Variants in SV2B observed in about 807,000 individuals in gnomAD.
SV2B encodes the protein solute carrier family 22 member B2.
SV2B carries 41 observed loss-of-function variants against 73.9 expected under a neutral mutation model. The observed-to-expected ratio is 0.56, with a 90% CI of 0.43 to 0.72. The LOEUF (loss-of-function observed/expected upper bound fraction) is 0.72, where lower values mean the gene tolerates loss of function less well. SV2B is among the 30% of genes least tolerant of loss of function. The pLI is 0.00. For missense variants in SV2B, 764 were observed against 857.8 expected (o/e 0.89, Z 1.37); for synonymous variants, 314 against 314.2 (o/e 1.00, Z 0.01).
chr15:91,241,356 G>A lies in SV2B; in HGVS notation c.452-10463G>A, dbSNP rs1267365405. 2.0e-5 allele frequency among the ~76,000 whole-genome samples: 3 copies of A among 152,000 alleles called. No homozygotes were observed. Among genetic ancestry groups the A allele is most frequent in the African/African-American group, 7.3e-5 (3 of 41,360 alleles). The stretch of plus-strand genomic sequence containing the variant: ...TTTCCTCCATCTGTCCCTAAACCCC[G>A]TTGCTGCACCTGGGTGGTCAGGAAC... On this transcript the variant is annotated intron_variant, in intron 2 of 12. Coordinates refer to ENST00000394232, the MANE Select transcript of SV2B (RefSeq NM_001323032.3). This position sits in a 1 kb window ranked among gnomAD's most constrained non-coding sequence, Gnocchi z 4.8.
At chr15:91,228,190 T>A (rs2046446917) in intron 2 of SV2B, among the ~76,000 whole-genome samples, 1 of 152,104 alleles carries the variant, frequency 6.6e-6, no homozygotes, top group African/African-American at 2.4e-5. Flanking sequence ...CCATTTGAAA[T>A]GATTAGAACT....
Position 91,281,646 on chromosome 15 carries a change from C to G in SV2B, c.1374-82C>G. 6.8e-7 allele frequency: 1 copy of G among 1,474,504 alleles called. No homozygotes were observed. The highest frequency in any genetic ancestry group is 1.4e-5 in the South Asian group (1 of 70,398). The allele number at this position is 1,474,504 out of a possible 1,614,324, so 91.3% of individuals were successfully genotyped here. On this transcript the variant is annotated intron_variant, in intron 9 of 12. Coordinates refer to ENST00000394232, the MANE Select transcript of SV2B (RefSeq NM_001323032.3). The surrounding 1 kb of genome is among the most constrained non-coding windows in gnomAD (Gnocchi z 4.7). ...CCTTTTGCTTGCACATCTCCTTTTT[C>G]TGCCTTGCTGTGTTTTCCATTTTGG...
intron 1 of SV2B, among the ~76,000 whole-genome samples, chr15:91,201,952 T>C (rs2045473962): frequency 6.6e-6 from 1 of 152,234 alleles, no homozygotes; most frequent in African/African-American, 2.4e-5. Context: ...GTGATCCTTT[T>C]AAGATTTGCC....
At chr15:91,145,404 G>A (rs1031078519) in intron 1 of SV2B, among the ~76,000 whole-genome samples, 2 of 152,138 alleles carry the variant, frequency 1.3e-5, no homozygotes, top group Admixed American at 1.3e-4. Flanking sequence ...AGACATTTAG[G>A]TTGATTCCAT....
At chr15:91,174,274 ACT>A (rs934935733) in intron 1 of SV2B, among the ~76,000 whole-genome samples, 4 of 152,010 alleles carry the variant, frequency 2.6e-5, no homozygotes, top group African/African-American at 9.7e-5. Context: ...TCTCAGCTTC[ACT>A]CTCTTTGTGG....
chr15:91,112,432 C>T (rs1466826431), intron 1 of SV2B, among the ~76,000 whole-genome samples: 2 of 152,162 alleles, frequency 1.3e-5, no homozygotes, highest in African/African-American at 2.4e-5. Flanking sequence ...AATAGAGAAG[C>T]AGCCTTGGAA....
At chr15:91,291,034 G>A (rs2049023030) in intron 12 of SV2B, among the ~76,000 whole-genome samples, 1 of 148,536 alleles carries the variant, frequency 6.7e-6, no homozygotes, top group African/African-American at 2.5e-5. Flanking sequence ...TATATTTATG[G>A]ATTATATATT....
Position 91,267,506 on chromosome 15 carries a change from A to C in SV2B, c.1120-49A>C. On this transcript the variant is annotated intron_variant, in intron 7 of 12. Transcript: ENST00000394232. This position sits in a 1 kb window ranked among gnomAD's most constrained non-coding sequence, Gnocchi z 4.3. Reference sequence around the variant, plus strand: ...TAATGAGCTCTTCGTGGGAGAAACAAAGTCACACATTGCTTTCTTTAACAA... The same window carrying C: ...TAATGAGCTCTTCGTGGGAGAAACACAGTCACACATTGCTTTCTTTAACAA... 6.6e-7 allele frequency: 1 copy of C among 1,526,338 alleles called. No homozygotes were observed. The highest frequency in any genetic ancestry group is 1.1e-5 in the South Asian group (1 of 87,074). 94.5% of individuals were successfully genotyped at this position (1,526,338 alleles called of 1,614,324 possible). A position where few individuals can be genotyped will look rare whatever the true frequency, so the allele number is the denominator to read the frequency against.
chr15:91,233,198 G>A (rs2046649146), intron 2 of SV2B, among the ~76,000 whole-genome samples: 1 of 152,140 alleles, frequency 6.6e-6, no homozygotes, highest in Non-Finnish European at 1.5e-5. Context: ...ATGTTGTGAC[G>A]TGGCAATGAA....
intron 1 of SV2B, among the ~76,000 whole-genome samples, chr15:91,170,310 T>G (rs537960324): frequency 6.6e-6 from 1 of 152,238 alleles, no homozygotes; most frequent in Admixed American, 6.5e-5. Context: ...TTTTTTGAGA[T>G]GGAGTCTCAC....
rs180892208 is a variant in SV2B at position 91,105,258 on chromosome 15, G to A, written c.-392+4895G>A. 5.9e-5 allele frequency among the ~76,000 whole-genome samples: 9 copies of A among 152,258 alleles called. No individual in the cohort carries two copies. The East Asian group carries it at 1.7e-3, about 29-fold the overall frequency. On this transcript the variant is annotated intron_variant, in intron 1 of 12. Transcript: ENST00000394232. This position sits in a 1 kb window ranked among gnomAD's most constrained non-coding sequence, Gnocchi z 5.5. ...TGTTGAGCAGGGAAAGGAAGATGGG[G>A]GGTGCCTTGTTGTGTTGGAGTGGGA...
chr15:91,258,636 G>T lies in SV2B; in HGVS notation c.918+82G>T. On this transcript the variant is annotated intron_variant, in intron 5 of 12. Transcript: ENST00000394232. The surrounding 1 kb of genome is among the most constrained non-coding windows in gnomAD (Gnocchi z 4.7). Reference sequence around the variant, plus strand: ...CCTCGCTTCCTTCTCTCAGCTCCTAGTCCCACATCCTCTGCTGCTTATGTG... The same window carrying T: ...CCTCGCTTCCTTCTCTCAGCTCCTATTCCCACATCCTCTGCTGCTTATGTG... 6.3e-7 allele frequency: 1 copy of T among 1,589,616 alleles called. No homozygotes were observed.
At chr15:91,209,328 G>A (rs1223627934) in intron 1 of SV2B, among the ~76,000 whole-genome samples, 1 of 151,940 alleles carries the variant, frequency 6.6e-6, no homozygotes, top group Admixed American at 6.6e-5. Context: ...CAGCATGCTG[G>A]CCAGGCTGGT....
At position 91,140,395 on chromosome 15, in the gene SV2B, G is replaced by C. The variant is rs1257231696; in HGVS notation, c.-392+40032G>C. Among the ~76,000 whole-genome samples, 2 of 152,142 alleles carry C rather than the reference G, an allele frequency of 1.3e-5. No homozygotes were observed. Among genetic ancestry groups the C allele is most frequent in the Non-Finnish European group, 2.9e-5 (2 of 68,030 alleles). On this transcript the variant is annotated intron_variant, in intron 1 of 12. Transcript: ENST00000394232. The surrounding 1 kb of genome is among the most constrained non-coding windows in gnomAD (Gnocchi z 4.4). ...CAGCATTTTCTGTCTCAAAAGTCTA[G>C]TGCTTCTCCCAGAGGAGGAGAACAA...
At chr15:91,147,347 C>T (rs921459422) in intron 1 of SV2B, among the ~76,000 whole-genome samples, 9 of 152,170 alleles carry the variant, frequency 5.9e-5, no homozygotes, top group African/African-American at 1.7e-4. Flanking sequence ...GGATGCAAAT[C>T]TCTGCAGAGA....
At chr15:91,111,905 A>C (rs1021880396) in intron 1 of SV2B, among the ~76,000 whole-genome samples, 1 of 151,872 alleles carries the variant, frequency 6.6e-6, no homozygotes, top group Non-Finnish European at 1.5e-5. Context: ...AAGTGATTAG[A>C]TCTCATGAGA....
chr15:91,221,619 C>T (rs2046212366), intron 1 of SV2B, among the ~76,000 whole-genome samples: 1 of 151,864 alleles, frequency 6.6e-6, no homozygotes, highest in African/African-American at 2.4e-5. Flanking sequence ...CCCCTTGTGT[C>T]TGTCCTTCCA....
intron 9 of SV2B, among the ~76,000 whole-genome samples, chr15:91,278,678 C>CAAAAAAAAAAAAAAA (rs746732650): frequency 1.2e-4 from 5 of 42,394 alleles, no homozygotes; most frequent in Non-Finnish European, 2.2e-4. Context: ...GACTCCGTCT[C>CAAAAAAAAAAAAAAA]AAAAAAAAAA....
intron 1 of SV2B, among the ~76,000 whole-genome samples, chr15:91,180,369 G>C (rs2044502187): frequency 6.6e-6 from 1 of 151,798 alleles, no homozygotes; most frequent in African/African-American, 2.4e-5. Flanking sequence ...ACAATTATGT[G>C]TCTTGGAGTT....
Sources: allele counts gnomAD v4.1 joint callset (sites outside exome capture counted in the v4.1 genomes callset), GRCh38; gene constraint gnomAD v4.1.1; non-coding constraint Gnocchi (gnomAD v3.1); transcripts MANE v1.5; gene names NCBI Gene and HGNC (gene_info 2026-07-23, HGNC 2026-07-21).